RORA: variants seen among roughly 807,000 people sequenced by gnomAD.
RORA encodes nuclear receptor ROR-alpha.
RORA carries 7 observed loss-of-function variants against 69.5 expected under a neutral mutation model. That is an observed-to-expected ratio of 0.10 (90% CI 0.06 to 0.19). The LOEUF (loss-of-function observed/expected upper bound fraction) is 0.19. Ranked by LOEUF, RORA falls within the 10% of genes least tolerant of loss-of-function variation. The pLI, the probability that RORA is intolerant of heterozygous loss-of-function variation, is 1.00. For synonymous variants in RORA, 261 were observed against 240.8 expected, an observed-to-expected ratio of 1.08 and a Z score of -0.78; for missense variants, 457 against 663.0, an observed-to-expected ratio of 0.69 and a Z score of 3.41.
At chr15:60,677,184 G>A (rs944695456) in intron 2 of RORA, 3 of 455,898 alleles carry the variant, frequency 6.6e-6, no homozygotes, top group African/African-American at 4.0e-5. Flanking sequence ...GGCCAGGGAC[G>A]AGCTCATGGG....
intron 8 of RORA, among the ~76,000 whole-genome samples, chr15:60,502,017 G>C (rs949629669): frequency 6.6e-6 from 1 of 152,108 alleles, no homozygotes; most frequent in Admixed American, 6.5e-5. Flanking sequence ...GTCTCAATCT[G>C]TCACCCAGGC....
At chr15:60,635,970 T>A (rs1339999202) in intron 2 of RORA, among the ~76,000 whole-genome samples, 1 of 152,170 alleles carries the variant, frequency 6.6e-6, no homozygotes, top group Non-Finnish European at 1.5e-5. Flanking sequence ...GCTCTCTCTG[T>A]GGTTGTGGTG....
chr15:61,141,532 T>C (rs1346674161), intron 1 of RORA, among the ~76,000 whole-genome samples: 1 of 152,190 alleles, frequency 6.6e-6, no homozygotes, highest in African/African-American at 2.4e-5. Context: ...GAATAATGCA[T>C]TTTTAAAAAA....
intron 1 of RORA, among the ~76,000 whole-genome samples, chr15:60,759,027 G>A (rs529635537): frequency 8.5e-5 from 13 of 152,268 alleles, no homozygotes; most frequent in African/African-American, 2.9e-4. Flanking sequence ...ACAATCCAGT[G>A]GGTTTTCTCC....
At position 61,131,722 on chromosome 15, in the gene RORA, G is replaced by C. The variant is rs990971567; in HGVS notation, c.166+97331C>G. Among the ~76,000 whole-genome samples, 1 of 152,216 alleles carries C rather than the reference G, an allele frequency of 6.6e-6. No homozygotes were observed. The highest frequency in any genetic ancestry group is 6.5e-5 in the Admixed American group (1 of 15,286). ...ACATCGGAGCTCAATTTGGTACAGT[G>C]GAAAAACATACTGAGCAGAAATTCC... On this transcript the variant is annotated intron_variant, in intron 1 of 10. Transcript: ENST00000335670. This position sits in a 1 kb window ranked among gnomAD's most constrained non-coding sequence, Gnocchi z 4.2.
At chr15:61,219,765 G>A (rs886579188) in intron 1 of RORA, among the ~76,000 whole-genome samples, 2 of 152,136 alleles carry the variant, frequency 1.3e-5, no homozygotes, top group Admixed American at 6.5e-5. Context: ...GGCTAGGCTC[G>A]CTGATTCATA....
rs576652311 is a variant in RORA, at chr15:60,637,599, G to C, written c.196+41058C>G. ...TGAATTTATCTAGGATTTGTTATAC[G>C]GCGTGAAAAAAATTTATTTTTCTCT... On this transcript the variant is annotated intron_variant, in intron 2 of 10. Coordinates refer to ENST00000335670, the MANE Select transcript of RORA (RefSeq NM_134261.3). Among the ~76,000 whole-genome samples the C allele has an allele frequency of 2.0e-4, 31 of 151,526 alleles. No homozygotes were observed. The South Asian group carries it at 5.8e-3, about 28-fold the overall frequency.
At chr15:60,936,544 T>C (rs1892527387) in intron 1 of RORA, among the ~76,000 whole-genome samples, 1 of 152,198 alleles carries the variant, frequency 6.6e-6, no homozygotes, top group African/African-American at 2.4e-5. Flanking sequence ...CGGCATCCTC[T>C]CCATCACCGT....
intron 1 of RORA, among the ~76,000 whole-genome samples, chr15:61,146,280 T>G (rs1431916020): frequency 6.6e-6 from 1 of 152,148 alleles, no homozygotes; most frequent in African/African-American, 2.4e-5. Context: ...AATTGCTGTT[T>G]CTCACTGCCG....
At chr15:61,037,791 T>C (rs1472386321) in intron 1 of RORA, among the ~76,000 whole-genome samples, 2 of 152,108 alleles carry the variant, frequency 1.3e-5, no homozygotes, top group African/African-American at 2.4e-5. Context: ...CTGAGATGAA[T>C]GCTATAATAG....
intron 2 of RORA, among the ~76,000 whole-genome samples, chr15:60,561,298 G>T (rs2067552817): frequency 6.6e-6 from 1 of 151,744 alleles, no homozygotes; most frequent in African/African-American, 2.4e-5. Flanking sequence ...AGCCAGGATG[G>T]TCTCGATCTC....
intron 2 of RORA, among the ~76,000 whole-genome samples, chr15:60,624,851 G>C (rs2069529651): frequency 6.6e-6 from 1 of 152,020 alleles, no homozygotes. Context: ...AGACAAAGAA[G>C]CTCTGTAAAT....
intron 1 of RORA, among the ~76,000 whole-genome samples, chr15:60,696,085 T>C (rs927408799): frequency 1.7e-4 from 26 of 152,330 alleles, no homozygotes; most frequent in Middle Eastern, 3.4e-3. Flanking sequence ...TTTTATATAG[T>C]TTTCACAATG....
At chr15:61,068,092 C>T (rs1343742393) in intron 1 of RORA, among the ~76,000 whole-genome samples, 1 of 152,164 alleles carries the variant, frequency 6.6e-6, no homozygotes, top group Non-Finnish European at 1.5e-5. Context: ...GATTTATAAG[C>T]CCATTTTCTA....
At chr15:60,503,954 C>T (rs1412762868) in intron 6 of RORA, among the ~76,000 whole-genome samples, 1 of 152,082 alleles carries the variant, frequency 6.6e-6, no homozygotes, top group African/African-American at 2.4e-5. Context: ...AGGCACCTGC[C>T]ACCACACCCA....
rs1250895997 is a variant in RORA at position 60,537,360 on chromosome 15, A to G, written c.197-5509T>C. Among the ~76,000 whole-genome samples, 1 of 152,202 alleles carries G rather than the reference A, an allele frequency of 6.6e-6. No individual in the cohort carries two copies. Among genetic ancestry groups the G allele is most frequent in the Admixed American group, 6.5e-5 (1 of 15,282 alleles). On this transcript the variant is annotated intron_variant, in intron 2 of 10. Transcript: ENST00000335670. The surrounding 1 kb of genome is among the most constrained non-coding windows in gnomAD (Gnocchi z 4.9). The stretch of plus-strand genomic sequence containing the variant: ...TGAGCCTTGCTGCAGAGTGACTGCA[A>G]CAGCCTGGAGAGAGGAAACCTTTCT...
At chr15:61,003,875 G>A (rs1404905307) in intron 1 of RORA, among the ~76,000 whole-genome samples, 2 of 152,168 alleles carry the variant, frequency 1.3e-5, no homozygotes, top group African/African-American at 4.8e-5. Context: ...AGATGGGAAG[G>A]ATCTGGAACA....
At chr15:60,822,575 C>T (rs1404208954) in intron 1 of RORA, among the ~76,000 whole-genome samples, 1 of 152,190 alleles carries the variant, frequency 6.6e-6, no homozygotes, top group Non-Finnish European at 1.5e-5. Context: ...TGAGATCCAC[C>T]TCAGAAGAAG....
Position 60,534,706 on chromosome 15 carries a change from T to G in RORA, c.197-2855A>C, listed in dbSNP as rs1428349721. 6.6e-6 allele frequency among the ~76,000 whole-genome samples: 1 copy of G among 152,112 alleles called. No homozygotes were observed. Among genetic ancestry groups the G allele is most frequent in the Admixed American group, 6.5e-5 (1 of 15,278 alleles). Reference sequence around the variant, plus strand: ...TCTTATCTCAGATGACAATTTCAGTTGCAAATGCACTTTAGGAAATGACTA... The same window carrying G: ...TCTTATCTCAGATGACAATTTCAGTGGCAAATGCACTTTAGGAAATGACTA... On this transcript the variant is annotated intron_variant, in intron 2 of 10. Coordinates refer to ENST00000335670, the MANE Select transcript of RORA (RefSeq NM_134261.3). The surrounding 1 kb of genome is among the most constrained non-coding windows in gnomAD (Gnocchi z 5.0).
Sources: gnomAD v4.1 joint callset for allele counts (sites outside exome capture counted in the v4.1 genomes callset) on GRCh38, gnomAD v4.1.1 for gene constraint, Gnocchi (gnomAD v3.1) non-coding constraint, MANE v1.5 for transcripts, NCBI Gene and HGNC (gene_info 2026-07-23, HGNC 2026-07-21) for gene names.